Variants in MATN2 observed in about 807,000 individuals in gnomAD.
MATN2 encodes the protein matrilin 2, also known as matrilin-2.
In MATN2, 69 loss-of-function variants were observed where a neutral mutation model predicts 103.2. The ratio of observed to expected loss-of-function variants is 0.67; its 90% CI spans 0.55 to 0.82. The LOEUF is 0.82. MATN2 is among the 40% of genes least tolerant of loss of function. The probability of loss-of-function intolerance (pLI) is 0.00; values close to 1 mark genes in which losing one functional copy is unlikely to be tolerated. For missense variants in MATN2, 1,023 were observed against 1,211.5 expected (o/e 0.84, Z 2.31); for synonymous variants, 429 against 450.2 (o/e 0.95, Z 0.60).
intron 10 of MATN2, among the ~76,000 whole-genome samples, chr8:98,014,372 A>T (rs1200929766): frequency 2.0e-5 from 3 of 152,144 alleles, no homozygotes; most frequent in Non-Finnish European, 4.4e-5. Context: ...TTCCACTCTT[A>T]CACCATGTGA....
intron 7 of MATN2, among the ~76,000 whole-genome samples, chr8:97,996,120 C>G (rs920719785): frequency 2.1e-4 from 32 of 152,188 alleles, no homozygotes; most frequent in African/African-American, 6.8e-4. Context: ...TCTGGTTCAG[C>G]TCAGATGCTC....
At chr8:98,015,239 T>C (rs1230767211) in intron 10 of MATN2, among the ~76,000 whole-genome samples, 4 of 152,186 alleles carry the variant, frequency 2.6e-5, no homozygotes, top group Non-Finnish European at 5.9e-5. Flanking sequence ...CAGCCTGGTC[T>C]GGGCCACCAA....
intron 2 of MATN2, among the ~76,000 whole-genome samples, chr8:97,928,890 T>G (rs1411549586): frequency 3.3e-5 from 5 of 152,240 alleles, no homozygotes; most frequent in Admixed American, 6.5e-5. Context: ...TGCTCCCATG[T>G]TCTCATCTAT....
At chr8:97,994,314 T>C (rs965981565) in intron 6 of MATN2, among the ~76,000 whole-genome samples, 166 bp from the exon 7 acceptor site, 10 of 151,844 alleles carry the variant, frequency 6.6e-5, no homozygotes, top group African/African-American at 2.4e-4. Flanking sequence ...GGAGAGGCCA[T>C]ATCTCTAAAC....
At chr8:97,880,265 G>A (rs941366968) in intron 1 of MATN2, among the ~76,000 whole-genome samples, 3 of 151,904 alleles carry the variant, frequency 2.0e-5, no homozygotes, top group African/African-American at 7.3e-5. Context: ...TGTATTTTTA[G>A]TAGAGATGGT....
chr8:97,966,650 G>A lies in MATN2; in HGVS notation c.958+5120G>A, dbSNP rs546399920. On this transcript the variant is annotated intron_variant, in intron 5 of 18. Transcript: ENST00000254898. ...TTCAGGTTAGACACCACAAGGACAC[G>A]TCAAGAGGAAGCAGAAAACTCGGCA... Among the ~76,000 whole-genome samples the A allele has an allele frequency of 3.9e-5, 6 of 152,278 alleles. No individual in the cohort carries two copies. The South Asian group carries it at 1.0e-3, about 26-fold the overall frequency.
At chr8:98,033,781 TC>T in intron 18 of MATN2, 122 bp downstream of exon 18, 1 of 720,374 alleles carries the variant, frequency 1.4e-6, no homozygotes, top group Non-Finnish European at 2.3e-6. Context: ...AACAGTGATC[TC>T]CAGGAAAGGC....
At chr8:97,900,367 C>G (rs1010005448) in intron 2 of MATN2, among the ~76,000 whole-genome samples, 1 of 152,182 alleles carries the variant, frequency 6.6e-6, no homozygotes, top group South Asian at 2.1e-4. Flanking sequence ...TTCGGACAAC[C>G]TAAGTTCAGA....
intron 4 of MATN2, among the ~76,000 whole-genome samples, chr8:97,958,842 C>T (rs1436659761): frequency 6.6e-6 from 1 of 152,144 alleles, no homozygotes; most frequent in Non-Finnish European, 1.5e-5. Context: ...GCCTATGCAG[C>T]CTGTGTGCAG....
At chr8:97,932,031 G>A (rs560308580) in intron 3 of MATN2, among the ~76,000 whole-genome samples, 3 of 152,296 alleles carry the variant, frequency 2.0e-5, no homozygotes, top group Non-Finnish European at 4.4e-5. Flanking sequence ...ATACAAATAA[G>A]TAACTATAGT....
chr8:98,034,440 G>T (rs1814161165), intron 18 of MATN2: 1 of 272,226 alleles, frequency 3.7e-6, no homozygotes, highest in East Asian at 7.7e-5. Flanking sequence ...CTGTGCCAAT[G>T]GGCTTATGTA....
At chr8:97,874,599 A>G (rs1268933066) in intron 1 of MATN2, among the ~76,000 whole-genome samples, 1 of 151,460 alleles carries the variant, frequency 6.6e-6, no homozygotes. Context: ...AATTTTTTGT[A>G]GAGACAGGGT....
At chr8:97,903,289 A>G (rs962511818) in intron 2 of MATN2, among the ~76,000 whole-genome samples, 6 of 151,870 alleles carry the variant, frequency 4.0e-5, no homozygotes, top group African/African-American at 1.5e-4. Context: ...CACTATATCT[A>G]TTGCACTTGG....
At chr8:98,023,699 T>G (rs1813683900) in intron 13 of MATN2, among the ~76,000 whole-genome samples, 1 of 151,872 alleles carries the variant, frequency 6.6e-6, no homozygotes, top group African/African-American at 2.4e-5. Context: ...AAAAAATAAA[T>G]AAAGGTGTTG....
At chr8:98,027,319 A>G in intron 13 of MATN2, 97 bp from the exon 14 acceptor site, 1 of 1,101,312 alleles carries the variant, frequency 9.1e-7, no homozygotes, top group Non-Finnish European at 1.3e-6. Context: ...TGGTTCCCCA[A>G]AGTGGTTATG....
At position 97,945,714 on chromosome 8, in the gene MATN2, A is replaced by AT. The variant is rs1335432181; in HGVS notation, c.835+3815_835+3816insT. On this transcript the variant is annotated intron_variant, in intron 4 of 18. Transcript: ENST00000254898. Reference sequence around the variant, plus strand: ...ACACATACACACTATAGAAAAAAAAAAAAATATATATATATATATATAATC... The same window carrying AT: ...ACACATACACACTATAGAAAAAAAAATAAAATATATATATATATATATAATC... Among the ~76,000 whole-genome samples the AT allele has an allele frequency of 1.1e-3, 83 of 78,860 alleles. 1 individual carries two copies. Among genetic ancestry groups the AT allele is most frequent in the East Asian group, 9.4e-3 (32 of 3,402 alleles). The allele number at this position is 78,860 out of a possible 152,430, so 51.7% of individuals were successfully genotyped here. A position where few individuals can be genotyped will look rare whatever the true frequency, so the allele number is the denominator to read the frequency against.
At chr8:97,955,645 T>A (rs866274288) in intron 4 of MATN2, among the ~76,000 whole-genome samples, 1 of 152,168 alleles carries the variant, frequency 6.6e-6, no homozygotes. Flanking sequence ...AAGCACCAAC[T>A]GTGTGAAGTG....
At chr8:97,885,352 C>T (rs536078283) in intron 1 of MATN2, among the ~76,000 whole-genome samples, 1 of 152,284 alleles carries the variant, frequency 6.6e-6, no homozygotes, top group East Asian at 1.9e-4. Flanking sequence ...TGATGGTGCA[C>T]ACCTGTAGTC....
At chr8:97,898,811 G>A (rs535117485) in intron 2 of MATN2, among the ~76,000 whole-genome samples, 1 of 152,188 alleles carries the variant, frequency 6.6e-6, no homozygotes, top group African/African-American at 2.4e-5. Flanking sequence ...GTGCAGTGGT[G>A]CGATCATGGC....
Sources: allele counts gnomAD v4.1 joint callset (sites outside exome capture counted in the v4.1 genomes callset), GRCh38; gene constraint gnomAD v4.1.1; transcripts MANE v1.5; gene names NCBI Gene and HGNC (gene_info 2026-07-23, HGNC 2026-07-21).